CRADD: variants seen among roughly 807,000 people sequenced by gnomAD.
The protein encoded by CRADD is CARD and death domain containing adaptor protein, also known as death domain-containing protein CRADD.
A neutral mutation model predicts 15.5 loss-of-function variants in CRADD; 9 were observed. The ratio of observed to expected loss-of-function variants is 0.58; its 90% confidence interval spans 0.35 to 1.01. The LOEUF (loss-of-function observed/expected upper bound fraction) is 1.01, where lower values mean the gene tolerates loss of function less well. Among genes scored for constraint, CRADD ranks in the 50% least tolerant of loss-of-function variants. The pLI, the probability that CRADD is intolerant of heterozygous loss-of-function variation, is 0.02. For synonymous variants in CRADD, 118 were observed against 107.6 expected (o/e 1.10, Z -0.60); for missense variants, 227 against 250.3 (o/e 0.91, Z 0.63).
At chr12:93,772,249 C>T (rs1957092283) in intron 2 of CRADD, among the ~76,000 whole-genome samples, 1 of 152,270 alleles carries the variant, frequency 6.6e-6, no homozygotes, top group African/African-American at 2.4e-5. Flanking sequence ...TTTATGAGCT[C>T]GTTAGCCACT....
At chr12:93,830,156 C>T (rs1309629444) in intron 2 of CRADD, among the ~76,000 whole-genome samples, 1 of 152,204 alleles carries the variant, frequency 6.6e-6, no homozygotes, top group Non-Finnish European at 1.5e-5. Context: ...CCACCACCTA[C>T]TCTCACCTGA....
Position 93,866,990 on chromosome 12 carries a change from G to A in CRADD, c.299-27060G>A, listed in dbSNP as rs115399954. 5.6e-3 allele frequency among the ~76,000 whole-genome samples: 851 copies of A among 152,116 alleles called. 9 individuals are homozygous for A. Among genetic ancestry groups the A allele is most frequent in the African/African-American group, 0.02 (813 of 41,502 alleles). On this transcript the variant is annotated intron_variant, in intron 2 of 2. Coordinates refer to the CRADD transcript ENST00000548483. The stretch of plus-strand genomic sequence containing the variant: ...CACAAATTTCTGCTGAGGGAAAGAG[G>A]GGTTAATTTTCTGATCACACAAAGT...
intron 2 of CRADD, among the ~76,000 whole-genome samples, chr12:93,693,565 C>T (rs1376201771): frequency 6.6e-6 from 1 of 151,948 alleles, no homozygotes; most frequent in Non-Finnish European, 1.5e-5. Flanking sequence ...AATATATATG[C>T]ACCAATCACT....
At chr12:93,861,365 C>T (rs1366000423) in intron 2 of CRADD, among the ~76,000 whole-genome samples, 2 of 152,204 alleles carry the variant, frequency 1.3e-5, no homozygotes, top group Non-Finnish European at 2.9e-5. Context: ...AAGAGAGGGG[C>T]TCCAATCAAG....
intron 2 of CRADD, among the ~76,000 whole-genome samples, chr12:93,793,275 T>C (rs914503917): frequency 1.3e-5 from 2 of 152,210 alleles, no homozygotes; most frequent in Admixed American, 6.6e-5. Flanking sequence ...TGTACTACTT[T>C]TAGTAATCCT....
chr12:93,737,072 G>C (rs1399931148), intron 2 of CRADD, among the ~76,000 whole-genome samples: 1 of 152,206 alleles, frequency 6.6e-6, no homozygotes, highest in Non-Finnish European at 1.5e-5. Flanking sequence ...ATGACTACTG[G>C]TCTGGGATAG....
In CRADD at chr12:93,830,109, G is replaced by T. The variant is rs145861794; in HGVS notation, c.299-19861G>T. On this transcript the variant is annotated intron_variant, in intron 2 of 2. Coordinates refer to ENST00000332896, the MANE Select transcript of CRADD (RefSeq NM_003805.5). ...GGGTTCTAGAGGCTCCTGCTTCAATGTGGAGCTCAGGCGTGGCAGAGAGAG... is the reference window on the plus strand; with the variant it reads ...GGGTTCTAGAGGCTCCTGCTTCAATTTGGAGCTCAGGCGTGGCAGAGAGAG... Among the ~76,000 whole-genome samples, 27 of 152,324 alleles carry T rather than the reference G, an allele frequency of 1.8e-4. No homozygotes were observed. The East Asian group carries it at 5.2e-3, about 29-fold the overall frequency.
At chr12:93,756,572 T>G (rs1956892701) in intron 2 of CRADD, among the ~76,000 whole-genome samples, 1 of 152,234 alleles carries the variant, frequency 6.6e-6, no homozygotes, top group South Asian at 2.1e-4. Flanking sequence ...AGGGCCTTCC[T>G]TGTTCACTGC....
chr12:93,767,876 A>G (rs1422999941), intron 2 of CRADD, among the ~76,000 whole-genome samples: 1 of 152,210 alleles, frequency 6.6e-6, no homozygotes, highest in Non-Finnish European at 1.5e-5. Context: ...ACACAAGCAA[A>G]TTCAATTCAA....
At chr12:93,836,562 A>G (rs1957975089) in intron 2 of CRADD, among the ~76,000 whole-genome samples, 1 of 152,208 alleles carries the variant, frequency 6.6e-6, no homozygotes, top group African/African-American at 2.4e-5. Flanking sequence ...ATATTTTACC[A>G]TTATGGAGTT....
At chr12:93,679,676 G>T (rs1320817423) in intron 2 of CRADD, among the ~76,000 whole-genome samples, 3 of 152,230 alleles carry the variant, frequency 2.0e-5, no homozygotes, top group Non-Finnish European at 4.4e-5. Context: ...CACTTGGGAA[G>T]CATGTTCTCA....
At chr12:93,820,305 T>C (rs1181424078) in intron 2 of CRADD, among the ~76,000 whole-genome samples, 1 of 152,114 alleles carries the variant, frequency 6.6e-6, no homozygotes, top group Non-Finnish European at 1.5e-5. Context: ...CACCTTGATA[T>C]AGAAAAAGCA....
At chr12:93,878,179 T>A (rs1355059367) in intron 2 of CRADD, among the ~76,000 whole-genome samples, 4 of 152,228 alleles carry the variant, frequency 2.6e-5, no homozygotes, top group Non-Finnish European at 5.9e-5. Context: ...TCCCAGATTT[T>A]GTCCAAGACC....
rs554011310 is a variant in CRADD at position 93,833,891 on chromosome 12, G to A, written c.299-16079G>A. Among the ~76,000 whole-genome samples, 4 of 152,148 alleles carry A rather than the reference G, an allele frequency of 2.6e-5. No individual in the cohort carries two copies. In the South Asian group the frequency reaches 8.3e-4, roughly 32 times the overall value. On this transcript the variant is annotated intron_variant, in intron 2 of 2. Transcript: ENST00000332896. ...TCACCCAGTTTTCTTCCTCTTCTGG[G>A]ATATAGGAGAATCATATTTGCTCAG... is the stretch of plus-strand genomic sequence containing the variant.
At chr12:93,767,849 G>A (rs1178407882) in intron 2 of CRADD, among the ~76,000 whole-genome samples, 2 of 152,158 alleles carry the variant, frequency 1.3e-5, no homozygotes. Context: ...ATCAATACAA[G>A]TCTTCTGAAG....
chr12:93,687,063 C>G (rs7971682), intron 2 of CRADD, among the ~76,000 whole-genome samples: 63,335 of 152,000 alleles, frequency 0.42, 14,000 homozygotes, highest in African/African-American at 0.57. Flanking sequence ...CATTTTGTCA[C>G]AAGATTTTTT....
At chr12:93,756,433 C>T (rs181066359) in intron 2 of CRADD, among the ~76,000 whole-genome samples, 12 of 152,358 alleles carry the variant, frequency 7.9e-5, no homozygotes, top group African/African-American at 2.4e-4. Context: ...AGGCCCATTA[C>T]TCTGGCCCTG....
At chr12:93,888,328 G>A (rs1958552612) in intron 2 of CRADD, among the ~76,000 whole-genome samples, 1 of 151,976 alleles carries the variant, frequency 6.6e-6, no homozygotes, top group South Asian at 2.1e-4. Flanking sequence ...GGGAGGCTGA[G>A]GTGGGAGAAT....
intron 2 of CRADD, among the ~76,000 whole-genome samples, chr12:93,698,393 G>A (rs147726346): frequency 1.1e-3 from 161 of 152,286 alleles, no homozygotes; most frequent in African/African-American, 3.8e-3. Context: ...TTTTTCTTCA[G>A]AGAGTAAAAC....
Sources: allele counts gnomAD v4.1 joint callset (sites outside exome capture counted in the v4.1 genomes callset), GRCh38; gene constraint gnomAD v4.1.1; transcripts MANE v1.5; gene names NCBI Gene and HGNC (gene_info 2026-07-23, HGNC 2026-07-21).